TTC28: variants seen among roughly 807,000 people sequenced by gnomAD.
TTC28 encodes tetratricopeptide repeat protein 28.
Under a neutral mutation model 198.0 loss-of-function variants are expected in TTC28, and 61 were observed. The observed-to-expected ratio is 0.31, with a 90% CI of 0.25 to 0.38. The LOEUF (loss-of-function observed/expected upper bound fraction) is 0.38. Among genes scored for constraint, TTC28 ranks in the 10% least tolerant of loss-of-function variants. The probability of loss-of-function intolerance (pLI) is 1.00; values close to 1 mark genes in which losing one functional copy is unlikely to be tolerated. For synonymous variants in TTC28, 1,171 were observed against 1,297.8 expected, an observed-to-expected ratio of 0.90 and a Z score of 2.10; for missense variants, 2,678 against 3,164.0, an observed-to-expected ratio of 0.85 and a Z score of 3.69.
At chr22:28,139,972 C>T (rs1484180643) in intron 6 of TTC28, among the ~76,000 whole-genome samples, 1 of 152,172 alleles carries the variant, frequency 6.6e-6, no homozygotes, top group African/African-American at 2.4e-5. Context: ...CATGTGTCAG[C>T]AGCTCCCATG....
At chr22:28,174,746 T>C (rs1446131084) in intron 5 of TTC28, among the ~76,000 whole-genome samples, 1 of 152,044 alleles carries the variant, frequency 6.6e-6, no homozygotes, top group Non-Finnish European at 1.5e-5. Context: ...AAATCCACCC[T>C]TTACTTAGGA....
intron 1 of TTC28, among the ~76,000 whole-genome samples, chr22:28,640,243 G>A (rs577329185): frequency 7.5e-6 from 1 of 133,786 alleles, no homozygotes; most frequent in South Asian, 2.5e-4. Context: ...CTGGGCAACA[G>A]AGTGAGACCC....
chr22:28,473,531 T>C (rs548227415), intron 2 of TTC28, among the ~76,000 whole-genome samples: 1 of 152,236 alleles, frequency 6.6e-6, no homozygotes, highest in South Asian at 2.1e-4. Flanking sequence ...TTTCTAGAAA[T>C]TTCTGAATAA....
intron 13 of TTC28, 65 bp downstream of exon 13, chr22:28,030,161 G>A: frequency 1.3e-6 from 2 of 1,527,524 alleles, no homozygotes; most frequent in Non-Finnish European, 1.8e-6. Context: ...TCCACTGAAA[G>A]CATATTATCT....
intron 2 of TTC28, among the ~76,000 whole-genome samples, chr22:28,437,267 G>C (rs759919011): frequency 2.6e-5 from 4 of 152,044 alleles, no homozygotes; most frequent in Non-Finnish European, 5.9e-5. Flanking sequence ...ATTTTTAGTA[G>C]AGACGGGGTT....
Position 28,163,336 on chromosome 22 carries a change from G to C in TTC28, c.1197C>G (p.Asn399Lys). The C allele has an allele frequency of 6.4e-7, 1 of 1,552,092 alleles. No individual in the cohort carries two copies. The highest frequency in any genetic ancestry group is 1.2e-5 in the South Asian group (1 of 84,062). The part of the protein sequence containing the change: ...NKREEARAYS[N>K]LGSAYHYRRN... Reference sequence around the variant, plus strand: ...TCCGGTAGTGATAGGCACTGCCCAGGTTGCTATAAGCCCGGGCCTCTTCTC... The same window carrying C: ...TCCGGTAGTGATAGGCACTGCCCAGCTTGCTATAAGCCCGGGCCTCTTCTC... The change falls in exon 6 of 23, where the codon AAC becomes AAG. Residue 399 changes from asparagine (N) to lysine (K), a missense_variant. By Grantham distance (94) the Asn-to-Lys change is moderately conservative. This residue lies in a region of TTC28 where 775 missense variants were observed against 845.9 expected (regional missense o/e 0.92). Coordinates refer to ENST00000397906, the MANE Select transcript of TTC28 (RefSeq NM_001145418.2).
At chr22:28,431,795 T>C (rs889934615) in intron 2 of TTC28, among the ~76,000 whole-genome samples, 1 of 151,344 alleles carries the variant, frequency 6.6e-6, no homozygotes, top group Admixed American at 6.6e-5. Context: ...CTGGCTAACA[T>C]GGTGAGACCT....
intron 6 of TTC28, among the ~76,000 whole-genome samples, chr22:28,124,044 G>A (rs1359259632): frequency 6.6e-6 from 1 of 152,072 alleles, no homozygotes; most frequent in African/African-American, 2.4e-5. Context: ...TCCTACTAAG[G>A]ATGCCAAACT....
chr22:28,408,036 T>C (rs1243902200), intron 2 of TTC28, among the ~76,000 whole-genome samples: 1 of 152,254 alleles, frequency 6.6e-6, no homozygotes, highest in Non-Finnish European at 1.5e-5. Flanking sequence ...TTGGGTTACA[T>C]TATGGGACTA....
chr22:28,660,203 C>G (rs1006786506), intron 1 of TTC28, among the ~76,000 whole-genome samples: 1 of 152,174 alleles, frequency 6.6e-6, no homozygotes, highest in African/African-American at 2.4e-5. Flanking sequence ...ACTTATAGTA[C>G]TAACACATTT....
At chr22:28,433,917 C>G (rs529450930) in intron 2 of TTC28, among the ~76,000 whole-genome samples, 10 of 152,310 alleles carry the variant, frequency 6.6e-5, no homozygotes, top group Non-Finnish European at 1.2e-4. Flanking sequence ...ACTGCATCCT[C>G]AAATATATCT....
At chr22:28,411,639 G>A (rs1056216301) in intron 2 of TTC28, among the ~76,000 whole-genome samples, 1 of 152,166 alleles carries the variant, frequency 6.6e-6, no homozygotes, top group Admixed American at 6.5e-5. Flanking sequence ...CACAGCAACA[G>A]TTACAATGTC....
At chr22:28,348,561 A>T (rs1168828500) in intron 2 of TTC28, among the ~76,000 whole-genome samples, 2 of 152,250 alleles carry the variant, frequency 1.3e-5, no homozygotes, top group African/African-American at 4.8e-5. Context: ...TCTGCAGCTC[A>T]GTTGAGCCAG....
intron 12 of TTC28, among the ~76,000 whole-genome samples, chr22:28,064,939 T>C (rs1940694785): frequency 6.6e-6 from 1 of 152,214 alleles, no homozygotes. Flanking sequence ...GTATCACTTA[T>C]TCAAAAACTA....
At chr22:28,178,867 C>T (rs753620492) in intron 5 of TTC28, among the ~76,000 whole-genome samples, 2 of 152,184 alleles carry the variant, frequency 1.3e-5, no homozygotes, top group Non-Finnish European at 2.9e-5. Flanking sequence ...CAATTAATAA[C>T]ACCACCAGGG....
chr22:28,567,725 C>T (rs932327383), intron 2 of TTC28, among the ~76,000 whole-genome samples: 1 of 151,164 alleles, frequency 6.6e-6, no homozygotes, highest in African/African-American at 2.4e-5. Flanking sequence ...GAAAGTATAC[C>T]ACCAAAACAA....
At chr22:28,588,793 C>T (rs1416526292) in intron 2 of TTC28, among the ~76,000 whole-genome samples, 2 of 152,176 alleles carry the variant, frequency 1.3e-5, no homozygotes, top group African/African-American at 4.8e-5. Context: ...ATCAGAATCT[C>T]GAGTACTACT....
At chr22:28,381,144 A>G (rs923601533) in intron 2 of TTC28, among the ~76,000 whole-genome samples, 3 of 152,012 alleles carry the variant, frequency 2.0e-5, no homozygotes, top group Non-Finnish European at 2.9e-5. Context: ...CAAAAAAAAA[A>G]AAAAGAAAAG....
intron 2 of TTC28, among the ~76,000 whole-genome samples, chr22:28,512,104 AC>A (rs778361089): frequency 1.3e-5 from 2 of 152,036 alleles, no homozygotes; most frequent in Admixed American, 6.5e-5. Flanking sequence ...CAAAAAAAAA[AC>A]AAACAAACCC....
Sources: allele counts gnomAD v4.1 joint callset (sites outside exome capture counted in the v4.1 genomes callset), GRCh38; gene constraint gnomAD v4.1.1; regional missense constraint gnomAD v4.1.1; transcripts MANE v1.5; gene names NCBI Gene and HGNC (gene_info 2026-07-23, HGNC 2026-07-21).